Variants in SNTG1 observed in about 807,000 individuals in gnomAD.
SNTG1 encodes gamma-1-syntrophin.
SNTG1 carries 39 observed loss-of-function variants against 74.7 expected under a neutral mutation model. The ratio of observed to expected loss-of-function variants is 0.52; its 90% CI spans 0.40 to 0.68. SNTG1 has a LOEUF of 0.68. SNTG1 is among the 30% of genes least tolerant of loss of function. The pLI is 0.00. For synonymous variants in SNTG1, 254 were observed against 217.1 expected (o/e 1.17, Z -1.49); for missense variants, 685 against 609.5 (o/e 1.12, Z -1.30).
At chr8:50,266,160 G>A (rs1452905433) in intron 2 of SNTG1, among the ~76,000 whole-genome samples, 1 of 151,428 alleles carries the variant, frequency 6.6e-6, no homozygotes, top group African/African-American at 2.4e-5. Flanking sequence ...CAAAGTTGGA[G>A]GACTCACATT....
chr8:50,177,098 CT>C (rs2083026421), intron 2 of SNTG1, among the ~76,000 whole-genome samples: 1 of 152,154 alleles, frequency 6.6e-6, no homozygotes, highest in African/African-American at 2.4e-5. Context: ...CATCAGACAA[CT>C]TTGGTAATAC....
In SNTG1 at chr8:50,707,526, G is replaced by A. The variant is rs185647488; in HGVS notation, c.1192-1360G>A. On this transcript the variant is annotated intron_variant, in intron 16 of 18. Transcript: ENST00000642720. ...ATTATAATTTTTCTATGCTAATAAGGCTTAAACACATGAATGTAATTTTTG... is the reference window on the plus strand; with the variant it reads ...ATTATAATTTTTCTATGCTAATAAGACTTAAACACATGAATGTAATTTTTG... Among the ~76,000 whole-genome samples the A allele has an allele frequency of 9.0e-4, 137 of 151,998 alleles. 2 individuals carry two copies. The highest frequency in any genetic ancestry group is 6.8e-3 in the Middle Eastern group (2 of 294).
intron 8 of SNTG1, 128 bp from the exon 9 acceptor site, chr8:50,502,650 T>C (rs1268646339): frequency 8.8e-6 from 6 of 685,126 alleles, no homozygotes; most frequent in Non-Finnish European, 1.5e-5. Flanking sequence ...CCTCTATCTT[T>C]TATAAAATGT....
intron 9 of SNTG1, among the ~76,000 whole-genome samples, chr8:50,517,631 A>T (rs1457869853): frequency 6.6e-6 from 1 of 150,586 alleles, no homozygotes; most frequent in Non-Finnish European, 1.5e-5. Flanking sequence ...AAAAAAAAAA[A>T]AAAAAAATAG....
At chr8:50,150,850 AG>A in intron 1 of SNTG1, among the ~76,000 whole-genome samples, 1 of 152,178 alleles carries the variant, frequency 6.6e-6, no homozygotes, top group Admixed American at 6.5e-5. Flanking sequence ...GATGTTCATC[AG>A]GGATGTTGGT....
intron 2 of SNTG1, among the ~76,000 whole-genome samples, chr8:50,383,720 G>T (rs1335373543): frequency 6.6e-6 from 1 of 152,126 alleles, no homozygotes; most frequent in Non-Finnish European, 1.5e-5. Flanking sequence ...CGGGGTTATT[G>T]CAGTTTTCCA....
At chr8:50,262,707 C>T (rs2087257068) in intron 2 of SNTG1, among the ~76,000 whole-genome samples, 1 of 152,012 alleles carries the variant, frequency 6.6e-6, no homozygotes, top group Non-Finnish European at 1.5e-5. Context: ...CCGCGCCCGG[C>T]CCGAAATCTT....
intron 18 of SNTG1, among the ~76,000 whole-genome samples, chr8:50,766,110 G>C (rs1295850376): frequency 6.6e-6 from 1 of 151,938 alleles, no homozygotes; most frequent in African/African-American, 2.4e-5. Context: ...TGTTCTGGTG[G>C]AGGCCACTGT....
intron 18 of SNTG1, 28 bp from the exon 19 acceptor site, chr8:50,792,643 A>G (rs2095694360): frequency 3.1e-6 from 5 of 1,590,318 alleles, no homozygotes; most frequent in Non-Finnish European, 4.3e-6. Context: ...TTTTTATGTT[A>G]TCTGACCTGT....
Position 50,649,534 on chromosome 8 carries a change from G to T in SNTG1, c.850-7375G>T, listed in dbSNP as rs569873403. Among the ~76,000 whole-genome samples the T allele has an allele frequency of 2.0e-5, 3 of 152,204 alleles. No homozygotes were observed. In the South Asian group the frequency reaches 6.2e-4, roughly 32 times the overall value. ...GTGAGGAGTCAGTCTCACCAGCTGT[G>T]TTGGAGCTTTTCCATTACTACAGTT... is the stretch of plus-strand genomic sequence containing the variant. On this transcript the variant is annotated intron_variant, in intron 13 of 18. Coordinates refer to ENST00000642720, the MANE Select transcript of SNTG1 (RefSeq NM_018967.5).
Position 49,959,534 on chromosome 8 carries a change from A to T in SNTG1, c.-103+47303A>T, listed in dbSNP as rs113659673. On this transcript the variant is annotated intron_variant, in intron 1 of 18. Transcript: ENST00000642720. ...TATTTTGGACATTTCATATAAATGG[A>T]ATCATACAATATATGTGTTTTTTGC... Among the ~76,000 whole-genome samples the T allele has an allele frequency of 7.9e-5, 12 of 152,390 alleles. 1 individual carries two copies. The highest frequency in any genetic ancestry group is 2.6e-4 in the African/African-American group (11 of 41,600).
rs1007324646 is a variant in SNTG1, at chr8:50,089,174, A to T, written c.-102-83387A>T. ...ATGGGGAAAGGATTCCCTATTTAAT[A>T]AATGGGGCTGGGAAAACTGGCTAGC... is the stretch of plus-strand genomic sequence containing the variant. On this transcript the variant is annotated intron_variant, in intron 1 of 18. Transcript: ENST00000642720. Among the ~76,000 whole-genome samples the T allele has an allele frequency of 3.6e-3, 550 of 152,208 alleles. 4 individuals carry two copies. Among genetic ancestry groups the T allele is most frequent in the African/African-American group, 0.013 (520 of 41,512 alleles).
At chr8:50,079,577 A>G (rs1052567257) in intron 1 of SNTG1, among the ~76,000 whole-genome samples, 5 of 151,898 alleles carry the variant, frequency 3.3e-5, no homozygotes, top group African/African-American at 9.7e-5. Flanking sequence ...ATTAGATCCC[A>G]TTTGTCAATT....
Position 50,103,218 on chromosome 8 carries a change from T to C in SNTG1, c.-102-69343T>C, listed in dbSNP as rs1182656080. The stretch of plus-strand genomic sequence containing the variant: ...CATGGAATGTTCTTCCATTTCTTTG[T>C]ATCCTCTTTTATTTCATTGAGCAGT... On this transcript the variant is annotated intron_variant, in intron 1 of 18. Transcript: ENST00000642720. Among the ~76,000 whole-genome samples the C allele has an allele frequency of 2.6e-5, 4 of 152,242 alleles. No homozygotes were observed. In the East Asian group the frequency reaches 7.7e-4, roughly 29 times the overall value.
intron 1 of SNTG1, among the ~76,000 whole-genome samples, chr8:50,132,199 T>C (rs571027517): frequency 6.6e-6 from 1 of 152,308 alleles, no homozygotes; most frequent in East Asian, 1.9e-4. Context: ...AATTACTTTC[T>C]CTATTTCTGT....
chr8:50,682,435 A>G (rs541847022), intron 15 of SNTG1, among the ~76,000 whole-genome samples: 10 of 152,214 alleles, frequency 6.6e-5, no homozygotes, highest in African/African-American at 1.9e-4. Context: ...GACCAGGGGA[A>G]CAGATGTGAA....
chr8:49,912,873 C>T (rs1233786371), intron 1 of SNTG1, among the ~76,000 whole-genome samples: 1 of 152,190 alleles, frequency 6.6e-6, no homozygotes, highest in African/African-American at 2.4e-5. Flanking sequence ...TTTAGTGTGC[C>T]TCTTTAGGAG....
At chr8:50,052,054 A>G (rs1224338457) in intron 1 of SNTG1, among the ~76,000 whole-genome samples, 1 of 152,128 alleles carries the variant, frequency 6.6e-6, no homozygotes, top group Non-Finnish European at 1.5e-5. Flanking sequence ...ATTGAGAATC[A>G]GATGATAAAA....
chr8:50,669,610 A>G (rs201420533), intron 15 of SNTG1, among the ~76,000 whole-genome samples: 4 of 152,068 alleles, frequency 2.6e-5, no homozygotes, highest in Non-Finnish European at 4.4e-5. Flanking sequence ...TCTACCAGAG[A>G]TACAAGGAGG....
Sources: gnomAD v4.1 joint callset for allele counts (sites outside exome capture counted in the v4.1 genomes callset) on GRCh38, gnomAD v4.1.1 for gene constraint, MANE v1.5 for transcripts, NCBI Gene and HGNC (gene_info 2026-07-23, HGNC 2026-07-21) for gene names.